The following TOM1L2 variants were observed in gnomAD, a reference collection of about 807,000 sequenced individuals.
The protein encoded by TOM1L2 is target of myb1 like 2 membrane trafficking protein.
Under a neutral mutation model 67.9 loss-of-function variants are expected in TOM1L2, and 31 were observed. The ratio of observed to expected loss-of-function variants is 0.46; its 90% CI spans 0.34 to 0.62. The LOEUF (loss-of-function observed/expected upper bound fraction) is 0.62. Among genes scored for constraint, TOM1L2 ranks in the 20% least tolerant of loss-of-function variants. TOM1L2 has a pLI of 0.01. For synonymous variants in TOM1L2, 256 were observed against 254.0 expected, an observed-to-expected ratio of 1.01 and a Z score of -0.07; for missense variants, 606 against 663.5, an observed-to-expected ratio of 0.91 and a Z score of 0.95.
chr17:17,960,716 G>A (rs2041644378), intron 1 of TOM1L2, among the ~76,000 whole-genome samples: 1 of 152,072 alleles, frequency 6.6e-6, no homozygotes, highest in African/African-American at 2.4e-5. Context: ...GTGAGAGTCT[G>A]TCTCCAAAAA....
At chr17:17,970,721 A>T (rs894310485) in intron 1 of TOM1L2, among the ~76,000 whole-genome samples, 11 of 152,258 alleles carry the variant, frequency 7.2e-5, no homozygotes, top group African/African-American at 2.7e-4. Flanking sequence ...AATGCTAATT[A>T]GCCAACAGGA....
At chr17:17,864,992 A>G (rs1262455620) in intron 10 of TOM1L2, among the ~76,000 whole-genome samples, 2 of 152,232 alleles carry the variant, frequency 1.3e-5, no homozygotes. Context: ...TTTTTTAAAA[A>G]GGAAAACAGA....
intron 12 of TOM1L2, among the ~76,000 whole-genome samples, chr17:17,853,773 G>C (rs1243151993): frequency 2.6e-5 from 4 of 152,242 alleles, no homozygotes; most frequent in Non-Finnish European, 5.9e-5. Context: ...TCACCGGAGA[G>C]CTCCTGAGTT....
Position 17,845,992 on chromosome 17 carries a change from G to T in TOM1L2, c.*1643C>A, listed in dbSNP as rs1190635925. The T allele has an allele frequency of 6.6e-6, 1 of 152,056 alleles. No homozygotes were observed. The highest frequency in any genetic ancestry group is 1.5e-5 in the Non-Finnish European group (1 of 67,910). The allele number at this position is 152,056 out of a possible 1,614,324, so 9.4% of individuals were successfully genotyped here. On this transcript the variant is annotated 3_prime_UTR_variant, in exon 15 of 15. Transcript: ENST00000379504. ...CCAGACAGAGGTTTCCTCTCTGGAGGGAGCTGGAGGGCTGCTAGCCTGGCA... is the reference window on the plus strand; with the variant it reads ...CCAGACAGAGGTTTCCTCTCTGGAGTGAGCTGGAGGGCTGCTAGCCTGGCA...
At chr17:17,948,054 TAA>T (rs2041028525) in intron 1 of TOM1L2, among the ~76,000 whole-genome samples, 1 of 152,216 alleles carries the variant, frequency 6.6e-6, no homozygotes, top group Non-Finnish European at 1.5e-5. Context: ...TAAACAATTC[TAA>T]GAGATATATA....
At chr17:17,940,114 A>C (rs2040669238) in intron 1 of TOM1L2, among the ~76,000 whole-genome samples, 1 of 148,452 alleles carries the variant, frequency 6.7e-6, no homozygotes, top group South Asian at 2.1e-4. Flanking sequence ...AATCACTTGA[A>C]CCCAGGAGGC....
chr17:17,931,257 A>G (rs1348458327), intron 1 of TOM1L2, among the ~76,000 whole-genome samples: 4 of 152,028 alleles, frequency 2.6e-5, no homozygotes, highest in Non-Finnish European at 4.4e-5. Context: ...GATTTCCCCA[A>G]TTCTCCAATC....
intron 7 of TOM1L2, among the ~76,000 whole-genome samples, chr17:17,870,831 C>T (rs527708486): frequency 1.1e-4 from 16 of 152,306 alleles, no homozygotes; most frequent in African/African-American, 3.6e-4. Context: ...AGTGAAAAAG[C>T]CCAGTAATCA....
chr17:17,958,955 C>T (rs997095680), intron 1 of TOM1L2, among the ~76,000 whole-genome samples: 7 of 152,280 alleles, frequency 4.6e-5, no homozygotes, highest in African/African-American at 1.7e-4. Flanking sequence ...TACCCCTAAA[C>T]GATGGGGTTC....
chr17:17,940,312 T>C (rs1199099402), intron 1 of TOM1L2, among the ~76,000 whole-genome samples: 1 of 149,148 alleles, frequency 6.7e-6, no homozygotes, highest in African/African-American at 2.5e-5. Flanking sequence ...ATAGCAAGAG[T>C]AATCAATAAT....
At position 17,884,670 on chromosome 17, in the gene TOM1L2, G is replaced by A. The variant is rs2037901084; in HGVS notation, c.465C>T (p.Asp155=). The A allele has an allele frequency of 3.7e-6, 6 of 1,614,096 alleles. No homozygotes were observed. The African/African-American group carries it at 4.0e-5, about 11-fold the overall frequency. ...KRKGVEFPMA[D]LDALSPIHTP... is the part of the protein sequence containing the mutation. ...TGTGTATGGGAGACAGAGCGTCCAA[G>A]TCTGCCATGGGAAATTCAACCCCTT... The change falls in exon 5 of 15, where the codon GAC becomes GAT. Residue 155 remains aspartate (D), a synonymous_variant. Transcript: ENST00000379504.
At chr17:17,945,018 C>T (rs1242287891) in intron 1 of TOM1L2, among the ~76,000 whole-genome samples, 1 of 152,192 alleles carries the variant, frequency 6.6e-6, no homozygotes, top group African/African-American at 2.4e-5. Flanking sequence ...ATCCTTCATC[C>T]TCCGGGGCCA....
chr17:17,898,823 T>A, intron 2 of TOM1L2, 149 bp from the exon 3 acceptor site: 1 of 728,930 alleles, frequency 1.4e-6, no homozygotes, highest in Non-Finnish European at 2.4e-6. Flanking sequence ...TGAATGTCCA[T>A]CAATACACAA....
chr17:17,925,724 G>A (rs937384318), intron 1 of TOM1L2, among the ~76,000 whole-genome samples: 3 of 148,804 alleles, frequency 2.0e-5, no homozygotes, highest in East Asian at 2.0e-4. Context: ...ATGTGGTAAC[G>A]CATGCCTATA....
chr17:17,879,788 C>A (rs1365075190), intron 6 of TOM1L2, 45 bp from the exon 7 acceptor site: 1 of 1,472,106 alleles, frequency 6.8e-7, no homozygotes, highest in South Asian at 1.1e-5. Context: ...AAAGGTCAGT[C>A]AGCCTGCACT....
rs1215268451 is a variant in TOM1L2, at chr17:17,861,449, G to T, written c.1278+27C>A. ...CTGACTTTCCCTCCAGAAGACTCCA[G>T]GCAGAAAAACAGGGTTAAAGACCTA... On this transcript the variant is annotated intron_variant, in intron 12 of 14. Transcript: ENST00000379504. 6 of 1,608,008 alleles carry T rather than the reference G, an allele frequency of 3.7e-6. No individual in the cohort carries two copies. The African/African-American group carries it at 5.4e-5, about 14-fold the overall frequency.
intron 1 of TOM1L2, among the ~76,000 whole-genome samples, chr17:17,960,905 C>T (rs529681660): frequency 1.2e-4 from 18 of 152,138 alleles, no homozygotes; most frequent in East Asian, 3.9e-4. Context: ...GGGCATGACA[C>T]GGAAGGTACA....
chr17:17,899,627 C>T (rs113881699), intron 2 of TOM1L2, among the ~76,000 whole-genome samples: 38 of 152,338 alleles, frequency 2.5e-4, no homozygotes, highest in African/African-American at 8.9e-4. Flanking sequence ...GGCCTAGCAG[C>T]TGCCCCTGGC....
At chr17:17,954,612 C>T (rs1461832521) in intron 1 of TOM1L2, among the ~76,000 whole-genome samples, 3 of 152,152 alleles carry the variant, frequency 2.0e-5, no homozygotes, top group Admixed American at 1.3e-4. Context: ...CGCGCCTGGC[C>T]CTATTTATAA....
Sources: gnomAD v4.1 joint callset for allele counts (sites outside exome capture counted in the v4.1 genomes callset) on GRCh38, gnomAD v4.1.1 for gene constraint, MANE v1.5 for transcripts, NCBI Gene and HGNC (gene_info 2026-07-23, HGNC 2026-07-21) for gene names.